Variants in RFX7 observed in about 807,000 individuals in gnomAD.
RFX7 encodes DNA-binding protein RFX7.
In RFX7, 26 loss-of-function variants were observed where a neutral mutation model predicts 111.8. The observed-to-expected ratio is 0.23, with a 90% CI of 0.17 to 0.32. The LOEUF (loss-of-function observed/expected upper bound fraction) is 0.32, where lower values mean the gene tolerates loss of function less well. RFX7 is among the 10% of genes least tolerant of loss of function. The pLI, the probability that RFX7 is intolerant of heterozygous loss-of-function variation, is 1.00. For synonymous variants in RFX7, 624 were observed against 624.4 expected (o/e 1.00, Z 0.01); for missense variants, 1,573 against 1,772.9 (o/e 0.89, Z 2.02).
At chr15:56,130,233 A>G (rs1034046167) in intron 5 of RFX7, among the ~76,000 whole-genome samples, 1 of 152,160 alleles carries the variant, frequency 6.6e-6, no homozygotes, top group African/African-American at 2.4e-5. Flanking sequence ...AGTGCAATCA[A>G]TGTAATATAC....
At chr15:56,194,718 C>T (rs1425319921) in intron 2 of RFX7, among the ~76,000 whole-genome samples, 7 of 151,962 alleles carry the variant, frequency 4.6e-5, no homozygotes, top group African/African-American at 1.7e-4. Context: ...GGAATCACAC[C>T]ATGAAGACAT....
chr15:56,175,822 G>A (rs2042897337), intron 3 of RFX7, among the ~76,000 whole-genome samples: 1 of 152,128 alleles, frequency 6.6e-6, no homozygotes, highest in Non-Finnish European at 1.5e-5. Context: ...TCTGGAAAAG[G>A]AAGTAAAGAG....
intron 5 of RFX7, among the ~76,000 whole-genome samples, chr15:56,134,209 C>G (rs1252327006): frequency 1.3e-5 from 2 of 152,104 alleles, no homozygotes; most frequent in African/African-American, 4.8e-5. Flanking sequence ...AGTCACTTAA[C>G]TTCTCTAGGT....
At chr15:56,208,279 C>T (rs1348555137) in intron 2 of RFX7, among the ~76,000 whole-genome samples, 3 of 152,140 alleles carry the variant, frequency 2.0e-5, no homozygotes, top group African/African-American at 7.2e-5. Flanking sequence ...CTGACCTGGG[C>T]AAAAGGCAAA....
intron 2 of RFX7, among the ~76,000 whole-genome samples, chr15:56,231,572 G>A (rs566512671): frequency 1.3e-5 from 2 of 152,204 alleles, no homozygotes; most frequent in African/African-American, 4.8e-5. Flanking sequence ...GGGAATTATG[G>A]AAGCTAAATT....
At chr15:56,155,223 C>T (rs2042636535) in intron 3 of RFX7, among the ~76,000 whole-genome samples, 1 of 152,096 alleles carries the variant, frequency 6.6e-6, no homozygotes. Flanking sequence ...TATGGCAATT[C>T]CTCAAGAATC....
intron 2 of RFX7, among the ~76,000 whole-genome samples, chr15:56,201,526 C>T (rs11638709): frequency 0.13 from 19,787 of 151,904 alleles, 1,673 homozygotes; most frequent in East Asian, 0.44. Flanking sequence ...GAGGAAGATA[C>T]CAAAACTGAT....
At chr15:56,224,680 A>G (rs1169441032) in intron 2 of RFX7, among the ~76,000 whole-genome samples, 1 of 151,594 alleles carries the variant, frequency 6.6e-6, no homozygotes, top group East Asian at 2.0e-4. Context: ...AGTGAAAAAA[A>G]CACCTAAGTT....
chr15:56,153,048 T>C (rs1225957647), intron 3 of RFX7, among the ~76,000 whole-genome samples: 1 of 152,122 alleles, frequency 6.6e-6, no homozygotes, highest in East Asian at 1.9e-4. Context: ...TAACAAGCTC[T>C]GAAATTGAGG....
At chr15:56,196,654 T>C (rs1185319793) in intron 2 of RFX7, among the ~76,000 whole-genome samples, 4 of 152,164 alleles carry the variant, frequency 2.6e-5, no homozygotes, top group South Asian at 4.2e-4. Flanking sequence ...TGCTGGCACC[T>C]TGATCTTCGA....
At position 56,096,039 on chromosome 15, in the gene RFX7, C is replaced by T. The variant is rs374725669; in HGVS notation, c.1689G>A (p.Gln563=). The T allele has an allele frequency of 1.2e-3, 1,905 of 1,613,214 alleles. 2 individuals are homozygous for T. The highest frequency in any genetic ancestry group is 1.5e-3 in the Non-Finnish European group (1,740 of 1,179,590). ...QENSDEAKAP[Q]TPSALLGQKS... Reference sequence around the variant, plus strand: ...TCTGCCCCAAAAGGGCACTAGGTGTCTGGGGAGCTTTAGCCTCATCAGAGT... The same window carrying T: ...TCTGCCCCAAAAGGGCACTAGGTGTTTGGGGAGCTTTAGCCTCATCAGAGT... Residue 563 remains glutamine (Q), a synonymous_variant, in exon 10 of 10, where the codon CAG becomes CAA. Transcript: ENST00000559447.
chr15:56,170,455 G>A (rs1192849829), intron 3 of RFX7, among the ~76,000 whole-genome samples: 8 of 152,072 alleles, frequency 5.3e-5, no homozygotes, highest in Admixed American at 3.9e-4. Context: ...TCCTGTTTTG[G>A]AGGATGCTGA....
intron 2 of RFX7, among the ~76,000 whole-genome samples, chr15:56,203,347 A>C (rs1232521509): frequency 6.6e-6 from 1 of 152,198 alleles, no homozygotes; most frequent in African/African-American, 2.4e-5. Flanking sequence ...TGTTCAGGTA[A>C]ATTTAGGAAT....
intron 3 of RFX7, among the ~76,000 whole-genome samples, chr15:56,163,186 G>T (rs2042744827): frequency 6.6e-6 from 1 of 152,098 alleles, no homozygotes; most frequent in African/African-American, 2.4e-5. Flanking sequence ...GTAAAGGGAA[G>T]AAGATAATTT....
At chr15:56,114,721 A>C (rs1377941411) in intron 5 of RFX7, among the ~76,000 whole-genome samples, 2 of 152,096 alleles carry the variant, frequency 1.3e-5, no homozygotes, top group African/African-American at 4.8e-5. Context: ...AAAAACTATC[A>C]TATATGACCC....
At chr15:56,151,822 G>A (rs1473908562) in intron 3 of RFX7, among the ~76,000 whole-genome samples, 2 of 152,152 alleles carry the variant, frequency 1.3e-5, no homozygotes, top group African/African-American at 2.4e-5. Flanking sequence ...CCTATCTCAT[G>A]TGCAAAGACA....
intron 2 of RFX7, among the ~76,000 whole-genome samples, chr15:56,186,358 A>C (rs1317952193): frequency 6.6e-6 from 1 of 152,166 alleles, no homozygotes; most frequent in Non-Finnish European, 1.5e-5. Context: ...GGACATGAAA[A>C]CCACTATGGG....
Position 56,087,590 on chromosome 15 carries a change from G to A in RFX7, c.*5755C>T. On this transcript the variant is annotated 3_prime_UTR_variant, in exon 10 of 10. Coordinates refer to ENST00000559447, the MANE Select transcript of RFX7 (RefSeq NM_022841.7). Reference sequence around the variant, plus strand: ...GTGTCTCCACTTAACTGCAAGGGAAGTTGGCAGATGCAGCCTTTTGGTCAG... The same window carrying A: ...GTGTCTCCACTTAACTGCAAGGGAAATTGGCAGATGCAGCCTTTTGGTCAG... 2.2e-6 allele frequency: 1 copy of A among 456,202 alleles called. No homozygotes were observed. The highest frequency in any genetic ancestry group is 1.6e-5 in the South Asian group (1 of 64,498). The allele number at this position is 456,202 out of a possible 1,614,324, so 28.3% of individuals were successfully genotyped here.
rs545343339 is a variant in RFX7, at chr15:56,143,198, T to C, written c.279-298A>G. ...GTGGGTATCTGCTCATGTACTTACC[T>C]GTTCATTTGCCTACACTTACCAAAT... On this transcript the variant is annotated intron_variant, in intron 4 of 9. Transcript: ENST00000559447. 3.3e-5 allele frequency among the ~76,000 whole-genome samples: 5 copies of C among 152,290 alleles called. No homozygotes were observed. In the East Asian group the frequency reaches 9.6e-4, roughly 29 times the overall value.
Sources: allele counts gnomAD v4.1 joint callset (sites outside exome capture counted in the v4.1 genomes callset), GRCh38; gene constraint gnomAD v4.1.1; transcripts MANE v1.5; gene names NCBI Gene and HGNC (gene_info 2026-07-23, HGNC 2026-07-21).